The following WDR7 variants were observed in gnomAD, a reference collection of about 807,000 sequenced individuals.
WDR7 encodes the protein WD repeat-containing protein 7.
A neutral mutation model predicts 169.4 loss-of-function variants in WDR7; 46 were observed. That is an observed-to-expected ratio of 0.27 (90% CI 0.21 to 0.35). The LOEUF (loss-of-function observed/expected upper bound fraction) is 0.35, where lower values mean the gene tolerates loss of function less well. Ranked by LOEUF, WDR7 falls within the 10% of genes least tolerant of loss-of-function variation. The probability of loss-of-function intolerance (pLI) is 1.00; values close to 1 mark genes in which losing one functional copy is unlikely to be tolerated. For synonymous variants in WDR7, 612 were observed against 666.8 expected, an observed-to-expected ratio of 0.92 and a Z score of 1.27; for missense variants, 1,534 against 1,859.3, an observed-to-expected ratio of 0.83 and a Z score of 3.22.
intron 20 of WDR7, among the ~76,000 whole-genome samples, chr18:56,858,831 G>A (rs1196013994): frequency 6.6e-6 from 1 of 152,166 alleles, no homozygotes; most frequent in African/African-American, 2.4e-5. Context: ...AGCAACATCT[G>A]CAAGCAAAAT....
In WDR7 at chr18:57,027,450, T is replaced by C. The variant is rs540501685; in HGVS notation, c.*243T>C. Reference sequence around the variant, plus strand: ...GTGGCCATCCTGTCACCAGGTAGTTTTTCCCTGCCAGAGATGGCAGGGGAA... The same window carrying C: ...GTGGCCATCCTGTCACCAGGTAGTTCTTCCCTGCCAGAGATGGCAGGGGAA... On this transcript the variant is annotated 3_prime_UTR_variant, in exon 28 of 28. Transcript: ENST00000254442. 4.3e-3 allele frequency: 2,304 copies of C among 531,554 alleles called. 16 individuals carry two copies. Among genetic ancestry groups the C allele is most frequent in the Non-Finnish European group, 4.7e-3 (1,428 of 303,644 alleles). 32.9% of individuals were successfully genotyped at this position (531,554 alleles called of 1,614,324 possible). A position where few individuals can be genotyped will look rare whatever the true frequency, so the allele number is the denominator to read the frequency against.
chr18:56,895,290 T>A (rs1188767191), intron 21 of WDR7, among the ~76,000 whole-genome samples: 1 of 151,938 alleles, frequency 6.6e-6, no homozygotes, highest in East Asian at 1.9e-4. Flanking sequence ...AAAATCATCA[T>A]TTTTTGAAAG....
chr18:56,681,215 A>G (rs1012658241), intron 3 of WDR7, 98 bp from the exon 4 acceptor site: 33 of 869,672 alleles, frequency 3.8e-5, no homozygotes, highest in South Asian at 1.8e-4. Flanking sequence ...TCTGAAATAT[A>G]TTAGTTTTAA....
chr18:56,934,392 G>T (rs1182119230), intron 22 of WDR7, among the ~76,000 whole-genome samples: 1 of 151,940 alleles, frequency 6.6e-6, no homozygotes, highest in Non-Finnish European at 1.5e-5. Flanking sequence ...AGAGCATCGG[G>T]CTCTTCCATG....
intron 20 of WDR7, among the ~76,000 whole-genome samples, chr18:56,846,863 CTTCTT>C (rs1356622456): frequency 6.6e-6 from 1 of 152,184 alleles, no homozygotes; most frequent in East Asian, 1.9e-4. Context: ...CCAAATTAAG[CTTCTT>C]TTCTTTATAA....
chr18:56,902,861 C>T (rs2046421647), intron 21 of WDR7, among the ~76,000 whole-genome samples: 1 of 152,210 alleles, frequency 6.6e-6, no homozygotes, highest in Admixed American at 6.5e-5. Flanking sequence ...ACTCTCATCA[C>T]TGTATCGATA....
At chr18:56,988,590 AGTGTGTGTGTGTGTGTGTGTGTGTGTGT>A (rs71171009) in intron 26 of WDR7, among the ~76,000 whole-genome samples, 2 of 142,606 alleles carry the variant, frequency 1.4e-5, no homozygotes, top group Non-Finnish European at 3.0e-5. Context: ...ATGGAAGGCA[AGTGTGTGTGTGTGTGTGTGTGTGTGTGT>A]GTGTGTGTGT....
chr18:56,700,259 T>C (rs1209349443), intron 12 of WDR7, among the ~76,000 whole-genome samples: 2 of 124,378 alleles, frequency 1.6e-5, no homozygotes, highest in African/African-American at 5.9e-5. Context: ...TTTCTTTTTT[T>C]TTTTTTTTTT....
intron 26 of WDR7, among the ~76,000 whole-genome samples, chr18:57,012,628 A>G (rs2048152143): frequency 6.6e-6 from 1 of 152,206 alleles, no homozygotes; most frequent in African/African-American, 2.4e-5. Context: ...CCAGCCTCCA[A>G]GCACCACCAG....
chr18:57,022,253 G>A (rs1463227780), intron 27 of WDR7, among the ~76,000 whole-genome samples: 5 of 152,174 alleles, frequency 3.3e-5, no homozygotes, highest in Admixed American at 3.3e-4. Flanking sequence ...CGCCACTCGT[G>A]TCTAACTCAA....
intron 21 of WDR7, among the ~76,000 whole-genome samples, chr18:56,889,824 C>T (rs185026735): frequency 2.1e-4 from 32 of 152,256 alleles, no homozygotes; most frequent in African/African-American, 7.5e-4. Flanking sequence ...TAGGAATGTG[C>T]TGTTGCTATG....
intron 5 of WDR7, among the ~76,000 whole-genome samples, chr18:56,685,220 G>A (rs750006329): frequency 2.2e-4 from 33 of 152,140 alleles, no homozygotes; most frequent in Non-Finnish European, 3.2e-4. Flanking sequence ...TTCCCTTGGC[G>A]TGTCTTAATT....
chr18:56,730,481 T>C (rs1486112290), intron 13 of WDR7, among the ~76,000 whole-genome samples: 1 of 152,106 alleles, frequency 6.6e-6, no homozygotes, highest in Non-Finnish European at 1.5e-5. Flanking sequence ...TTAAAGTAGT[T>C]GTAGGCCGGG....
intron 26 of WDR7, among the ~76,000 whole-genome samples, chr18:56,989,082 T>C (rs1251984723): frequency 7.6e-6 from 1 of 131,382 alleles, no homozygotes; most frequent in Admixed American, 7.2e-5. Flanking sequence ...TATGGTTTTT[T>C]GAAAAAAAAA....
chr18:56,911,167 G>A (rs2046547158), intron 21 of WDR7, among the ~76,000 whole-genome samples: 2 of 152,170 alleles, frequency 1.3e-5, no homozygotes. Flanking sequence ...TTCTGGGTTA[G>A]ATAATGGACT....
At chr18:56,947,046 C>T (rs2047112778) in intron 25 of WDR7, among the ~76,000 whole-genome samples, 1 of 152,114 alleles carries the variant, frequency 6.6e-6, no homozygotes, top group Non-Finnish European at 1.5e-5. Flanking sequence ...AAGAAAATTA[C>T]TTAGATTTCA....
chr18:56,853,398 T>G (rs1238517890), intron 20 of WDR7, among the ~76,000 whole-genome samples: 1 of 152,218 alleles, frequency 6.6e-6, no homozygotes, highest in East Asian at 1.9e-4. Context: ...TACAAATAAT[T>G]TGCCTTTTCA....
chr18:56,685,393 T>A (rs1389632558), intron 5 of WDR7, among the ~76,000 whole-genome samples: 1 of 152,234 alleles, frequency 6.6e-6, no homozygotes, highest in Non-Finnish European at 1.5e-5. Context: ...CTCTGGAGCC[T>A]ACGTTGACTG....
At chr18:56,975,543 A>G (rs2047553457) in intron 26 of WDR7, among the ~76,000 whole-genome samples, 6 of 152,202 alleles carry the variant, frequency 3.9e-5, no homozygotes, top group Admixed American at 3.9e-4. Context: ...ATGAGTCAGC[A>G]GTGACAAACA....
Sources: allele counts gnomAD v4.1 joint callset (sites outside exome capture counted in the v4.1 genomes callset), GRCh38; gene constraint gnomAD v4.1.1; transcripts MANE v1.5; gene names NCBI Gene and HGNC (gene_info 2026-07-23, HGNC 2026-07-21).